The following MYO1E variants were observed in gnomAD, a reference collection of about 807,000 sequenced individuals.
The protein encoded by MYO1E is myosin IE.
A neutral mutation model predicts 151.1 loss-of-function variants in MYO1E; 68 were observed. The observed-to-expected ratio is 0.45, with a 90% CI of 0.37 to 0.55. The LOEUF (loss-of-function observed/expected upper bound fraction) is 0.55. Among genes scored for constraint, MYO1E ranks in the 20% least tolerant of loss-of-function variants. The pLI, the probability that MYO1E is intolerant of heterozygous loss-of-function variation, is 0.00. For synonymous variants in MYO1E, 601 were observed against 501.7 expected (o/e 1.20, Z -2.64); for missense variants, 1,363 against 1,389.3 (o/e 0.98, Z 0.30).
At chr15:59,323,348 A>C (rs1018132270) in intron 1 of MYO1E, among the ~76,000 whole-genome samples, 2 of 151,914 alleles carry the variant, frequency 1.3e-5, no homozygotes, top group African/African-American at 4.8e-5. Flanking sequence ...ATTGACATTC[A>C]GATTTAAAAT....
intron 1 of MYO1E, among the ~76,000 whole-genome samples, chr15:59,320,966 A>C (rs192185209): frequency 2.6e-5 from 4 of 152,354 alleles, no homozygotes; most frequent in Admixed American, 2.0e-4. Flanking sequence ...AGAATCCTTA[A>C]GGAACTTTTA....
intron 10 of MYO1E, among the ~76,000 whole-genome samples, chr15:59,216,430 T>C (rs1198658590): frequency 6.6e-6 from 1 of 151,790 alleles, no homozygotes; most frequent in Non-Finnish European, 1.5e-5. Context: ...GTTAGTTCTA[T>C]ATAAGTGCCT....
intron 12 of MYO1E, among the ~76,000 whole-genome samples, 185 bp downstream of exon 12, chr15:59,214,043 G>A (rs1305573684): frequency 6.6e-6 from 1 of 152,188 alleles, no homozygotes; most frequent in East Asian, 1.9e-4. Context: ...AAATGCTGCA[G>A]ACGGTATTTA....
intron 8 of MYO1E, among the ~76,000 whole-genome samples, chr15:59,223,531 G>A (rs1436719063): frequency 1.3e-5 from 2 of 152,132 alleles, no homozygotes; most frequent in African/African-American, 2.4e-5. Context: ...AAAGAGACTC[G>A]GAAGAGTGGT....
chr15:59,234,992 G>A (rs886115930), intron 5 of MYO1E, among the ~76,000 whole-genome samples: 1 of 152,082 alleles, frequency 6.6e-6, no homozygotes, highest in Non-Finnish European at 1.5e-5. Context: ...CCAAGCTTGG[G>A]CTGCCCCTTA....
At chr15:59,365,972 CTTCTTCCCTT>C (rs2080910658) in intron 1 of MYO1E, among the ~76,000 whole-genome samples, 1 of 152,162 alleles carries the variant, frequency 6.6e-6, no homozygotes, top group Non-Finnish European at 1.5e-5. Flanking sequence ...CTCCTTCCCT[CTTCTTCCCTT>C]CTTTCTCTCT....
chr15:59,146,709 A>G (rs1482677543), intron 26 of MYO1E, among the ~76,000 whole-genome samples: 1 of 148,574 alleles, frequency 6.7e-6, no homozygotes, highest in Non-Finnish European at 1.5e-5. Context: ...TATATAATAT[A>G]TATTACTTAT....
At chr15:59,292,913 C>T (rs2080428251) in intron 1 of MYO1E, among the ~76,000 whole-genome samples, 1 of 152,072 alleles carries the variant, frequency 6.6e-6, no homozygotes. Flanking sequence ...GGATCTATCC[C>T]ATAGGATTTG....
At chr15:59,321,977 T>C (rs868460147) in intron 1 of MYO1E, among the ~76,000 whole-genome samples, 2 of 152,064 alleles carry the variant, frequency 1.3e-5, no homozygotes, top group South Asian at 4.1e-4. Context: ...AATTGGAGAC[T>C]AGCCTGGCCA....
At chr15:59,218,810 T>C (rs1189746799) in intron 9 of MYO1E, among the ~76,000 whole-genome samples, 1 of 152,188 alleles carries the variant, frequency 6.6e-6, no homozygotes, top group African/African-American at 2.4e-5. Context: ...GAATACGATT[T>C]GTGCAGATGC....
intron 10 of MYO1E, 39 bp from the exon 11 acceptor site, chr15:59,214,759 A>G (rs2079903030): frequency 1.3e-6 from 2 of 1,519,322 alleles, no homozygotes; most frequent in Non-Finnish European, 1.8e-6. Context: ...ACTCCTTTCC[A>G]TTCATACTAA....
chr15:59,346,811 G>A (rs1403681420), intron 1 of MYO1E, among the ~76,000 whole-genome samples: 1 of 152,112 alleles, frequency 6.6e-6, no homozygotes, highest in Non-Finnish European at 1.5e-5. Context: ...CAGCTACTCA[G>A]GAGGCTGAGA....
At chr15:59,321,291 A>G (rs538374847) in intron 1 of MYO1E, among the ~76,000 whole-genome samples, 1 of 152,358 alleles carries the variant, frequency 6.6e-6, no homozygotes, top group South Asian at 2.1e-4. Context: ...CAAAGAACCT[A>G]AAACAGAACT....
rs555222451 is a variant in MYO1E at position 59,263,960 on chromosome 15, C to G, written c.148-2451G>C. Among the ~76,000 whole-genome samples, 45 of 152,266 alleles carry G rather than the reference C, an allele frequency of 3.0e-4. 1 individual carries two copies. Among genetic ancestry groups the G allele is most frequent in the African/African-American group, 1.0e-3 (42 of 41,546 alleles). ...GACGTCCATGATGCCGTAGCCAAGA[C>G]TCAATAAGGCGTCATAAAATTAATT... On this transcript the variant is annotated intron_variant, in intron 2 of 27. Transcript: ENST00000288235.
At chr15:59,166,946 A>G (rs1317650689) in intron 22 of MYO1E, among the ~76,000 whole-genome samples, 3 of 152,158 alleles carry the variant, frequency 2.0e-5, no homozygotes, top group African/African-American at 7.2e-5. Flanking sequence ...CCCCTTCCAG[A>G]ATGAGAGGAG....
chr15:59,367,523 C>T (rs1056989034), intron 1 of MYO1E, among the ~76,000 whole-genome samples: 2 of 152,172 alleles, frequency 1.3e-5, no homozygotes, highest in African/African-American at 4.8e-5. Context: ...TGAGATAGCG[C>T]CAAACAGTAG....
chr15:59,244,909 G>T (rs2080120703), intron 4 of MYO1E, among the ~76,000 whole-genome samples: 1 of 152,184 alleles, frequency 6.6e-6, no homozygotes, highest in African/African-American at 2.4e-5. Context: ...GCACTCCTTG[G>T]CTGATGATAA....
intron 17 of MYO1E, among the ~76,000 whole-genome samples, chr15:59,189,568 ACTTT>A (rs1419111401): frequency 2.0e-5 from 3 of 150,824 alleles, no homozygotes; most frequent in South Asian, 2.1e-4. Flanking sequence ...GCAGTGGCAA[ACTTT>A]CTTTCTTTTC....
intron 25 of MYO1E, among the ~76,000 whole-genome samples, chr15:59,155,200 C>T (rs986778774): frequency 1.3e-5 from 2 of 152,152 alleles, no homozygotes; most frequent in Non-Finnish European, 2.9e-5. Context: ...ACATGCTGCT[C>T]GAGATCCCCT....
Sources: gnomAD v4.1 joint callset for allele counts (sites outside exome capture counted in the v4.1 genomes callset) on GRCh38, gnomAD v4.1.1 for gene constraint, MANE v1.5 for transcripts, NCBI Gene and HGNC (gene_info 2026-07-23, HGNC 2026-07-21) for gene names.